The following ETFDH variants were observed in gnomAD, a reference collection of about 807,000 sequenced individuals.
ETFDH encodes electron transfer flavoprotein-ubiquinone oxidoreductase, mitochondrial.
Under a neutral mutation model 73.2 loss-of-function variants are expected in ETFDH, and 61 were observed. The ratio of observed to expected loss-of-function variants is 0.83; its 90% confidence interval spans 0.68 to 1.03. ETFDH has a LOEUF of 1.03. ETFDH is among the 50% of genes least tolerant of loss of function. ETFDH has a pLI of 0.00. For synonymous variants in ETFDH, 243 were observed against 253.3 expected (o/e 0.96, Z 0.39); for missense variants, 685 against 745.0 (o/e 0.92, Z 0.94).
At position 158,704,222 on chromosome 4, in the gene ETFDH, C is replaced by T. The variant is rs1774546373; in HGVS notation, c.1285+631C>T. Among the ~76,000 whole-genome samples, 3 of 152,190 alleles carry T rather than the reference C, an allele frequency of 2.0e-5. No individual in the cohort carries two copies. The South Asian group carries it at 6.2e-4, about 31-fold the overall frequency. On this transcript the variant is annotated intron_variant, in intron 10 of 12. Coordinates refer to ENST00000511912, the MANE Select transcript of ETFDH (RefSeq NM_004453.4). ...CACAATTAAGATACCTCCCAAATAC[C>T]TAAGTATCAATAGAACAAACACCTT...
At chr4:158,702,686 A>G (rs778646478) in intron 9 of ETFDH, among the ~76,000 whole-genome samples, 1 of 152,174 alleles carries the variant, frequency 6.6e-6, no homozygotes, top group Admixed American at 6.5e-5. Flanking sequence ...GTGTATATAT[A>G]TACCATGTTT....
At chr4:158,682,772 C>T (rs531793988) in intron 3 of ETFDH, among the ~76,000 whole-genome samples, 1 of 151,966 alleles carries the variant, frequency 6.6e-6, no homozygotes, top group Admixed American at 6.6e-5. Context: ...TGACCTCAGG[C>T]GATCCACCCA....
chr4:158,676,605 A>G (rs971748014), intron 1 of ETFDH, among the ~76,000 whole-genome samples: 2 of 152,196 alleles, frequency 1.3e-5, no homozygotes, highest in Non-Finnish European at 2.9e-5. Context: ...AGTTCAGCCT[A>G]CTCCCAGGAA....
chr4:158,695,603 C>T lies in ETFDH; in HGVS notation c.791C>T (p.Ala264Val), dbSNP rs200533654. ...KQLYKKFDLR[A>V]NCEPQTYGIG... is the part of the protein sequence containing the mutation. ...CTATATAAGAAGTTTGATTTGAGAG[C>T]AAATTGTGAACCTCAAACCTACGGG... Residue 264 changes from alanine to valine, a missense_variant, in exon 7 of 13, where the codon GCA becomes GTA. Coordinates refer to ENST00000511912, the MANE Select transcript of ETFDH (RefSeq NM_004453.4). 1 of 1,611,178 alleles carries T rather than the reference C, an allele frequency of 6.2e-7. No homozygotes were observed.
chr4:158,683,181 G>A (rs568560936), intron 3 of ETFDH, among the ~76,000 whole-genome samples: 120 of 152,306 alleles, frequency 7.9e-4, no homozygotes, highest in African/African-American at 2.5e-3. Context: ...AACCACAGGT[G>A]TGATATACAG....
intron 11 of ETFDH, 111 bp downstream of exon 11, chr4:158,706,482 TTA>T: frequency 8.9e-7 from 1 of 1,125,094 alleles, no homozygotes; most frequent in Non-Finnish European, 1.3e-6. Flanking sequence ...AATTATAAAT[TTA>T]GTGTCTAAGA....
chr4:158,672,355 G>T lies in ETFDH; in HGVS notation c.-102G>T, dbSNP rs560694708. On this transcript the variant is annotated 5_prime_UTR_variant, in exon 1 of 13. Coordinates refer to ENST00000511912, the MANE Select transcript of ETFDH (RefSeq NM_004453.4). ...AACTGCAGCAGAGTTCTTGCTTTCC[G>T]GCAGGTGATGGCGCCCCCCGCGGCC... 1.7e-6 allele frequency: 2 copies of T among 1,200,072 alleles called. No individual in the cohort carries two copies. Among genetic ancestry groups the T allele is most frequent in the Non-Finnish European group, 2.5e-6 (2 of 803,762 alleles). The allele number at this position is 1,200,072 out of a possible 1,614,324, so 74.3% of individuals were successfully genotyped here.
intron 5 of ETFDH, among the ~76,000 whole-genome samples, chr4:158,686,390 C>T (rs1774005416): frequency 6.6e-6 from 1 of 152,034 alleles, no homozygotes; most frequent in Admixed American, 6.6e-5. Context: ...CCCCAAAGAC[C>T]CAGGGGAAAC....
rs761849257 is a variant in ETFDH at position 158,706,751 on chromosome 4, C to A, written c.1591C>A (p.His531Asn). The change falls in exon 12 of 13, where the codon CAT becomes AAT. Residue 531 changes from histidine to asparagine, a missense_variant. Physicochemically the swap from His to Asn is moderately conservative, Grantham distance 68 (BLOSUM62 1). Coordinates refer to ENST00000511912, the MANE Select transcript of ETFDH (RefSeq NM_004453.4). Reference protein sequence around the residue: ...SVALSGTNHEHDQPAHLTLRD... With the variant: ...SVALSGTNHENDQPAHLTLRD... Reference sequence around the variant, plus strand: ...GGCTCTGAGTGGTACTAATCATGAACATGACCAGCCGGCACACTTAACCTT... The same window carrying A: ...GGCTCTGAGTGGTACTAATCATGAAAATGACCAGCCGGCACACTTAACCTT... 3 of 1,613,784 alleles carry A rather than the reference C, an allele frequency of 1.9e-6. No individual in the cohort carries two copies. The Middle Eastern group carries it at 4.9e-4, about 266-fold the overall frequency.
At chr4:158,698,842 A>G in intron 8 of ETFDH, 145 bp from the exon 9 acceptor site, 1 of 594,658 alleles carries the variant, frequency 1.7e-6, no homozygotes, top group African/African-American at 1.9e-5. Context: ...TTTAATTTAC[A>G]TTTGGATTAC....
intron 1 of ETFDH, among the ~76,000 whole-genome samples, chr4:158,673,072 G>A (rs1294419444): frequency 2.0e-5 from 3 of 152,242 alleles, no homozygotes; most frequent in Non-Finnish European, 4.4e-5. Flanking sequence ...GGGAGGCTGA[G>A]GCGGATGGAT....
chr4:158,700,572 GCACACA>G (rs70962624), intron 9 of ETFDH: 76,862 of 145,350 alleles, frequency 0.53, 23,451 homozygotes, highest in East Asian at 0.77. Context: ...ACACACACAC[GCACACA>G]CACACACACA....
Position 158,682,188 on chromosome 4 carries a change from C to T in ETFDH, c.176-7C>T, listed in dbSNP as rs776816664. The T allele has an allele frequency of 2.5e-6, 4 of 1,613,402 alleles. No individual in the cohort carries two copies. In the African/African-American group the frequency reaches 5.3e-5, roughly 22 times the overall value. On this transcript the variant is annotated splice_region_variant and splice_polypyrimidine_tract_variant and intron_variant, in intron 2 of 12. Transcript: ENST00000511912. ...TATATTAATCCCAGAATTTTTATTT[C>T]TCCCAGGAGTGAACATGGAAAGGTT... is the stretch of plus-strand genomic sequence containing the variant.
intron 9 of ETFDH, among the ~76,000 whole-genome samples, chr4:158,702,689 C>A (rs1774496762): frequency 6.6e-6 from 1 of 152,058 alleles, no homozygotes; most frequent in Non-Finnish European, 1.5e-5. Context: ...TATATATATA[C>A]CATGTTTCCT....
At chr4:158,706,567 G>A in intron 11 of ETFDH, 62 bp from the exon 12 acceptor site, 1 of 1,386,030 alleles carries the variant, frequency 7.2e-7, no homozygotes, top group Middle Eastern at 2.1e-4. Context: ...TATACAAATA[G>A]GCTTAAGAAA....
chr4:158,707,343 A>T lies in ETFDH; in HGVS notation c.1690+493A>T, dbSNP rs1232177212. 4.6e-5 allele frequency among the ~76,000 whole-genome samples: 7 copies of T among 152,192 alleles called. No individual in the cohort carries two copies. In the East Asian group the frequency reaches 1.2e-3, roughly 25 times the overall value. On this transcript the variant is annotated intron_variant, in intron 12 of 12. Coordinates refer to ENST00000511912, the MANE Select transcript of ETFDH (RefSeq NM_004453.4). ...ACAAAATAGTATTCCGATACTCGAA[A>T]AGTAGTACATTCACAAAAGAAGATA...
At chr4:158,693,356 T>G (rs1774229481) in intron 6 of ETFDH, among the ~76,000 whole-genome samples, 1 of 152,164 alleles carries the variant, frequency 6.6e-6, no homozygotes, top group Non-Finnish European at 1.5e-5. Context: ...GAATTCTGAT[T>G]TGGACATTTT....
At chr4:158,701,927 T>A (rs552828445) in intron 9 of ETFDH, among the ~76,000 whole-genome samples, 14 of 152,338 alleles carry the variant, frequency 9.2e-5, no homozygotes, top group Middle Eastern at 3.4e-3. Context: ...TTGTTTTTTT[T>A]AATCAGAAAT....
At chr4:158,699,242 A>G in intron 9 of ETFDH, 112 bp downstream of exon 9, 1 of 924,036 alleles carries the variant, frequency 1.1e-6, no homozygotes, top group Non-Finnish European at 1.7e-6. Flanking sequence ...TAGGAAAAGT[A>G]TGTAGAGTTT....
Sources: gnomAD v4.1 joint callset for allele counts (sites outside exome capture counted in the v4.1 genomes callset) on GRCh38, gnomAD v4.1.1 for gene constraint, MANE v1.5 for transcripts, NCBI Gene and HGNC (gene_info 2026-07-23, HGNC 2026-07-21) for gene names.